PAPPA: variants seen among roughly 807,000 people sequenced by gnomAD.
PAPPA encodes pappalysin 1.
In PAPPA, 60 loss-of-function variants were observed where a neutral mutation model predicts 164.0. The ratio of observed to expected loss-of-function variants is 0.37; its 90% CI spans 0.30 to 0.45. The LOEUF (loss-of-function observed/expected upper bound fraction) is 0.45. Among genes scored for constraint, PAPPA ranks in the 20% least tolerant of loss-of-function variants. The pLI is 1.00. For synonymous variants in PAPPA, 875 were observed against 814.1 expected (o/e 1.07, Z -1.27); for missense variants, 1,782 against 2,087.3 (o/e 0.85, Z 2.85).
rs959415472 is a variant in PAPPA at position 116,397,383 on chromosome 9, G to A, written c.*767G>A. The A allele has an allele frequency of 6.5e-6, 1 of 152,704 alleles. No homozygotes were observed. Among genetic ancestry groups the A allele is most frequent in the Non-Finnish European group, 1.5e-5 (1 of 68,108 alleles). The allele number at this position is 152,704 out of a possible 1,614,324, so 9.5% of individuals were successfully genotyped here. ...GGTATTATATCAGCCCCTTGCTTGA[G>A]GCTTGAGGTCATAATATCCCTCTAG... is the stretch of plus-strand genomic sequence containing the variant. On this transcript the variant is annotated 3_prime_UTR_variant, in exon 22 of 22. Transcript: ENST00000328252.
chr9:116,347,679 T>C lies in PAPPA; in HGVS notation c.3964+470T>C, dbSNP rs1285803914. On this transcript the variant is annotated intron_variant, in intron 15 of 21. Transcript: ENST00000328252. This position sits in a 1 kb window ranked among gnomAD's most constrained non-coding sequence, Gnocchi z 4.5. Reference sequence around the variant, plus strand: ...GCTGCACCATCAGTGGTGGGGACCATATTGAAACCCAGGTCTGTTGTTCTC... The same window carrying C: ...GCTGCACCATCAGTGGTGGGGACCACATTGAAACCCAGGTCTGTTGTTCTC... Among the ~76,000 whole-genome samples, 1 of 152,148 alleles carries C rather than the reference T, an allele frequency of 6.6e-6. No individual in the cohort carries two copies. Among genetic ancestry groups the C allele is most frequent in the Non-Finnish European group, 1.5e-5 (1 of 68,022 alleles).
Position 116,154,080 on chromosome 9 carries a change from G to A in PAPPA, c.-93G>A. The A allele has an allele frequency of 8.7e-7, 1 of 1,150,130 alleles. No individual in the cohort carries two copies. 71.2% of individuals were successfully genotyped at this position (1,150,130 alleles called of 1,614,324 possible). A position where few individuals can be genotyped will look rare whatever the true frequency, so the allele number is the denominator to read the frequency against. On this transcript the variant is annotated 5_prime_UTR_variant, in exon 1 of 22. Transcript: ENST00000328252. The surrounding 1 kb of genome is among the most constrained non-coding windows in gnomAD (Gnocchi z 5.2). ...GGGGGGCTCGCCCAAGAAGGGTGAA[G>A]AAGCGAAGAAAGTCGAGGCGCCGAG...
intron 1 of PAPPA, among the ~76,000 whole-genome samples, chr9:116,186,669 T>A (rs1843974467): frequency 6.6e-6 from 1 of 152,168 alleles, no homozygotes; most frequent in African/African-American, 2.4e-5. Context: ...TAAATGAGCA[T>A]CTTCTGTTCG....
intron 1 of PAPPA, among the ~76,000 whole-genome samples, chr9:116,181,099 CAA>C (rs892803079): frequency 1.3e-5 from 2 of 152,206 alleles, no homozygotes; most frequent in Non-Finnish European, 2.9e-5. Context: ...TGCATTGTAA[CAA>C]GAGAAAAATT....
intron 21 of PAPPA, among the ~76,000 whole-genome samples, chr9:116,383,028 T>C (rs1846753348): frequency 6.6e-6 from 1 of 152,210 alleles, no homozygotes; most frequent in Non-Finnish European, 1.5e-5. Context: ...TCTATCTTAT[T>C]TGTCACACCT....
At chr9:116,368,987 TTCTCTTTTGCTG>T (rs1469011004) in intron 19 of PAPPA, among the ~76,000 whole-genome samples, 1 of 152,100 alleles carries the variant, frequency 6.6e-6, no homozygotes, top group African/African-American at 2.4e-5. Context: ...TGCTTCCTCT[TTCTCTTTTGCTG>T]TCTCTTTTTC....
chr9:116,234,924 G>A (rs1844641508), intron 6 of PAPPA, among the ~76,000 whole-genome samples: 1 of 152,178 alleles, frequency 6.6e-6, no homozygotes, highest in East Asian at 1.9e-4. Context: ...TTGACTGAAT[G>A]TCTGGTGATT....
chr9:116,392,041 A>T (rs1420105295), intron 21 of PAPPA, among the ~76,000 whole-genome samples: 2 of 152,160 alleles, frequency 1.3e-5, no homozygotes, highest in Non-Finnish European at 2.9e-5. Context: ...AGGCCACCTG[A>T]CAGCCCACTG....
chr9:116,372,939 G>A (rs930586895), intron 19 of PAPPA, among the ~76,000 whole-genome samples: 1 of 152,186 alleles, frequency 6.6e-6, no homozygotes, highest in African/African-American at 2.4e-5. Flanking sequence ...TAACGACTGT[G>A]GCAGAATTAG....
At chr9:116,392,214 A>G (rs1231751600) in intron 21 of PAPPA, among the ~76,000 whole-genome samples, 1 of 152,274 alleles carries the variant, frequency 6.6e-6, no homozygotes, top group Non-Finnish European at 1.5e-5. Flanking sequence ...GTGATTAAAA[A>G]GACAAAGCAG....
Position 116,185,900 on chromosome 9 carries a change from G to A in PAPPA, c.416-1254G>A, listed in dbSNP as rs141550064. On this transcript the variant is annotated intron_variant, in intron 1 of 21. Transcript: ENST00000328252. ...AGCCCAGATGCCTGATGATTTTGGT[G>A]AGGCAGGGGGAGCTGCTATAGAATT... Among the ~76,000 whole-genome samples, 42 of 152,230 alleles carry A rather than the reference G, an allele frequency of 2.8e-4. No homozygotes were observed. The East Asian group carries it at 7.8e-3, about 28-fold the overall frequency.
chr9:116,370,720 C>T, intron 19 of PAPPA, among the ~76,000 whole-genome samples: 1 of 152,268 alleles, frequency 6.6e-6, no homozygotes, highest in South Asian at 2.1e-4. Flanking sequence ...ATTTTAAGTC[C>T]TTTGCATATA....
At chr9:116,343,149 G>T (rs926176217) in intron 13 of PAPPA, among the ~76,000 whole-genome samples, 3 of 152,146 alleles carry the variant, frequency 2.0e-5, no homozygotes, top group African/African-American at 7.2e-5. Context: ...AATGAGTAAC[G>T]CTTAGCTCAT....
At chr9:116,220,248 G>T in intron 5 of PAPPA, 119 bp downstream of exon 5, 1 of 725,968 alleles carries the variant, frequency 1.4e-6, no homozygotes, top group Non-Finnish European at 2.2e-6. Flanking sequence ...TTGTTCAAAA[G>T]GTATCTCCAC....
chr9:116,161,351 CA>C (rs1263851267), intron 1 of PAPPA, among the ~76,000 whole-genome samples: 3 of 152,090 alleles, frequency 2.0e-5, no homozygotes, highest in Non-Finnish European at 4.4e-5. Flanking sequence ...AAAGGAGGGT[CA>C]GGGGTAAAAT....
At chr9:116,189,420 A>G (rs940908449) in intron 2 of PAPPA, among the ~76,000 whole-genome samples, 1 of 152,228 alleles carries the variant, frequency 6.6e-6, no homozygotes, top group African/African-American at 2.4e-5. Context: ...ACCTGAAAAA[A>G]GAATAGGTAA....
At position 116,398,918 on chromosome 9, in the gene PAPPA, C is replaced by A; in HGVS notation, c.*2302C>A. On this transcript the variant is annotated 3_prime_UTR_variant, in exon 22 of 22. Transcript: ENST00000328252. ...TTCACACTCTTGTCAACTCTCCAGG[C>A]CTCTCTCTTGCCCTGAGTTATCAGC... is the stretch of plus-strand genomic sequence containing the variant. 1 of 349,300 alleles carries A rather than the reference C, an allele frequency of 2.9e-6. No individual in the cohort carries two copies. The highest frequency in any genetic ancestry group is 2.2e-5 in the South Asian group (1 of 45,342). 21.6% of individuals were successfully genotyped at this position (349,300 alleles called of 1,614,324 possible). A position where few individuals can be genotyped will look rare whatever the true frequency, so the allele number is the denominator to read the frequency against.
At chr9:116,322,863 C>T (rs938912920) in intron 10 of PAPPA, among the ~76,000 whole-genome samples, 33 of 152,132 alleles carry the variant, frequency 2.2e-4, no homozygotes, top group African/African-American at 5.3e-4. Flanking sequence ...TATCCATCCC[C>T]GCACTCCTCC....
chr9:116,339,124 T>C (rs1051285783), intron 13 of PAPPA, among the ~76,000 whole-genome samples: 2 of 152,228 alleles, frequency 1.3e-5, no homozygotes, highest in Non-Finnish European at 2.9e-5. Flanking sequence ...AGGCTGGTGT[T>C]CCATAGACCA....
Sources: allele counts gnomAD v4.1 joint callset (sites outside exome capture counted in the v4.1 genomes callset), GRCh38; gene constraint gnomAD v4.1.1; non-coding constraint Gnocchi (gnomAD v3.1); transcripts MANE v1.5; gene names NCBI Gene and HGNC (gene_info 2026-07-23, HGNC 2026-07-21).